Variants in NRXN1 observed in about 807,000 individuals in gnomAD.
NRXN1 encodes neurexin-1.
In NRXN1, 39 loss-of-function variants were observed where a neutral mutation model predicts 150.9. The observed-to-expected ratio is 0.26, with a 90% CI of 0.20 to 0.34. The LOEUF (loss-of-function observed/expected upper bound fraction) is 0.34. Among genes scored for constraint, NRXN1 ranks in the 10% least tolerant of loss-of-function variants. The pLI is 1.00. For missense variants in NRXN1, 1,815 were observed against 1,949.9 expected (o/e 0.93, Z 1.30); for synonymous variants, 924 against 757.0 (o/e 1.22, Z -3.62).
chr2:50,140,302 T>C (rs1052492449), intron 18 of NRXN1, among the ~76,000 whole-genome samples: 1 of 152,144 alleles, frequency 6.6e-6, no homozygotes, highest in African/African-American at 2.4e-5. Flanking sequence ...GACTTGCTGA[T>C]TTAAACCTCA....
chr2:50,745,300 C>CT (rs1554039477), intron 5 of NRXN1, among the ~76,000 whole-genome samples: 19 of 31,770 alleles, frequency 6.0e-4, no homozygotes, highest in African/African-American at 4.6e-4. Flanking sequence ...TTTATATCTG[C>CT]CCCCCCCCAG....
chr2:50,559,037 G>T (rs1467560107), intron 8 of NRXN1, among the ~76,000 whole-genome samples: 2 of 152,112 alleles, frequency 1.3e-5, no homozygotes, highest in Admixed American at 1.3e-4. Flanking sequence ...AGCCGAGATC[G>T]CACCACTGCA....
intron 2 of NRXN1, among the ~76,000 whole-genome samples, chr2:51,013,650 C>G (rs774758266): frequency 1.4e-4 from 22 of 151,930 alleles, no homozygotes; most frequent in Non-Finnish European, 2.6e-4. Context: ...AAAGAGGAAC[C>G]TTAAGCAATT....
Position 50,346,870 on chromosome 2 carries a change from G to T in NRXN1, c.3365-109900C>A. Reference sequence around the variant, plus strand: ...CCAAAGCAGGGCCAGGCGCCCCCCTGCGCCGCCGCCGCCGCCGCCGCCGCC... The same window carrying T: ...CCAAAGCAGGGCCAGGCGCCCCCCTTCGCCGCCGCCGCCGCCGCCGCCGCC... On this transcript the variant is annotated intron_variant, in intron 17 of 22. Coordinates refer to ENST00000401669, the MANE Select transcript of NRXN1 (RefSeq NM_001330078.2). This position sits in a 1 kb window ranked among gnomAD's most constrained non-coding sequence, Gnocchi z 5.0. 2 of 1,366,780 alleles carry T rather than the reference G, an allele frequency of 1.5e-6. No individual in the cohort carries two copies. Among genetic ancestry groups the T allele is most frequent in the Non-Finnish European group, 9.5e-7 (1 of 1,058,164 alleles). 84.7% of individuals were successfully genotyped at this position (1,366,780 alleles called of 1,614,324 possible).
At chr2:50,215,839 GC>G (rs2063357601) in intron 18 of NRXN1, among the ~76,000 whole-genome samples, 1 of 152,046 alleles carries the variant, frequency 6.6e-6, no homozygotes, top group African/African-American at 2.4e-5. Context: ...TGTATCTCAT[GC>G]TTTGCCCAAC....
chr2:50,466,089 T>C (rs1350837879), intron 16 of NRXN1, among the ~76,000 whole-genome samples: 1 of 2,738 alleles, frequency 3.7e-4, no homozygotes, highest in Non-Finnish European at 2.9e-3. Context: ...ATTCACATGC[T>C]TTTAACAATT....
chr2:50,893,097 C>A (rs148717905), intron 5 of NRXN1, among the ~76,000 whole-genome samples: 1 of 152,256 alleles, frequency 6.6e-6, no homozygotes, highest in Non-Finnish European at 1.5e-5. Flanking sequence ...GGCTTGAGGC[C>A]TGTCACCCCT....
intron 5 of NRXN1, among the ~76,000 whole-genome samples, chr2:50,822,478 C>A (rs1176754185): frequency 6.6e-6 from 1 of 152,082 alleles, no homozygotes; most frequent in Non-Finnish European, 1.5e-5. Flanking sequence ...ATATTCCACT[C>A]TTGAGAGATC....
At chr2:49,933,963 G>A (rs1670576909) in intron 22 of NRXN1, among the ~76,000 whole-genome samples, 1 of 152,170 alleles carries the variant, frequency 6.6e-6, no homozygotes, top group Admixed American at 6.5e-5. Flanking sequence ...ATGGTCCTTT[G>A]CATTGTAGGG....
chr2:50,620,054 C>T lies in NRXN1; in HGVS notation c.1288G>A (p.Val430Ile), dbSNP rs753832133. 4 of 1,609,882 alleles carry T rather than the reference C, an allele frequency of 2.5e-6. No individual in the cohort carries two copies. The East Asian group carries it at 9.0e-5, about 36-fold the overall frequency. Residue 430 changes from valine to isoleucine, a missense_variant, in exon 8 of 23, where the codon GTC (valine) becomes ATC (isoleucine). By Grantham distance (29) the Val-to-Ile change is conservative (BLOSUM62 3). Around this residue, in one of 6 missense-constraint regions of NRXN1, gnomAD observed 638 missense variants for 652.6 expected, o/e 0.98. Transcript: ENST00000401669. ...AGACAGCCCATAAAGTTGTTACTGA[C>T]TGGTGACCCTGGAAGGTCGGCTGTG... ...PSTADLPGSP[V>I]SNNFMGCLKE...
At chr2:50,262,641 T>C (rs556131935) in intron 17 of NRXN1, among the ~76,000 whole-genome samples, 27 of 152,108 alleles carry the variant, frequency 1.8e-4, no homozygotes, top group African/African-American at 6.3e-4. Context: ...GTCATAAATA[T>C]GACTCAGATC....
At chr2:50,448,126 A>G (rs2104509580) in intron 17 of NRXN1, among the ~76,000 whole-genome samples, 1 of 152,184 alleles carries the variant, frequency 6.6e-6, no homozygotes, top group Admixed American at 6.5e-5. Flanking sequence ...AAATCTAAAA[A>G]TATAGAATGA....
intron 5 of NRXN1, among the ~76,000 whole-genome samples, chr2:50,876,864 C>T (rs559968688): frequency 1.3e-5 from 2 of 151,874 alleles, no homozygotes; most frequent in South Asian, 4.2e-4. Flanking sequence ...TTAGGGGGTA[C>T]ATATGGGAGA....
At chr2:50,217,315 T>G (rs2063470119) in intron 18 of NRXN1, among the ~76,000 whole-genome samples, 1 of 152,060 alleles carries the variant, frequency 6.6e-6, no homozygotes. Flanking sequence ...AAAATCACCT[T>G]TGAACAGGAT....
chr2:50,274,963 T>A (rs1207556863), intron 17 of NRXN1, among the ~76,000 whole-genome samples: 1 of 152,148 alleles, frequency 6.6e-6, no homozygotes, highest in Admixed American at 6.5e-5. Context: ...ACAAAATTGA[T>A]GTCAGATAGC....
At chr2:50,367,588 G>A (rs894015147) in intron 17 of NRXN1, among the ~76,000 whole-genome samples, 2 of 151,980 alleles carry the variant, frequency 1.3e-5, no homozygotes, top group African/African-American at 4.8e-5. Flanking sequence ...AAGTCTTTGG[G>A]CTTACTGCCT....
intron 12 of NRXN1, among the ~76,000 whole-genome samples, chr2:50,523,683 A>T (rs2092860079): frequency 6.6e-6 from 1 of 152,200 alleles, no homozygotes; most frequent in Admixed American, 6.5e-5. Flanking sequence ...AGATCTTATT[A>T]TCTACTCCAG....
At chr2:49,947,009 C>G (rs1364865986) in intron 21 of NRXN1, among the ~76,000 whole-genome samples, 1 of 152,154 alleles carries the variant, frequency 6.6e-6, no homozygotes, top group Admixed American at 6.6e-5. Context: ...TTTGGCACAA[C>G]TACATCTTGC....
At chr2:50,167,402 C>A (rs931570918) in intron 18 of NRXN1, among the ~76,000 whole-genome samples, 11 of 151,862 alleles carry the variant, frequency 7.2e-5, no homozygotes, top group African/African-American at 2.7e-4. Flanking sequence ...TGTCCTGCCT[C>A]CCCCCCGCCT....
Sources: allele counts gnomAD v4.1 joint callset (sites outside exome capture counted in the v4.1 genomes callset), GRCh38; gene constraint gnomAD v4.1.1; regional missense constraint gnomAD v4.1.1; non-coding constraint Gnocchi (gnomAD v3.1); transcripts MANE v1.5; gene names NCBI Gene and HGNC (gene_info 2026-07-23, HGNC 2026-07-21).